The following BRINP1 variants were observed in gnomAD, a reference collection of about 807,000 sequenced individuals.
BRINP1 encodes the protein BMP/retinoic acid inducible neural specific 1.
A neutral mutation model predicts 72.9 loss-of-function variants in BRINP1; 17 were observed. The observed-to-expected ratio is 0.23, with a 90% CI of 0.16 to 0.35. The LOEUF (loss-of-function observed/expected upper bound fraction) is 0.35. Ranked by LOEUF, BRINP1 falls within the 10% of genes least tolerant of loss-of-function variation. The pLI is 1.00. For missense variants in BRINP1, 850 were observed against 1,001.6 expected (o/e 0.85, Z 2.04); for synonymous variants, 418 against 378.5 (o/e 1.10, Z -1.21).
chr9:119,221,708 A>C (rs1287875995), intron 5 of BRINP1, among the ~76,000 whole-genome samples: 1 of 152,178 alleles, frequency 6.6e-6, no homozygotes, highest in African/African-American at 2.4e-5. Context: ...AAATAAAATC[A>C]TCTGCTCTGC....
intron 2 of BRINP1, among the ~76,000 whole-genome samples, chr9:119,285,568 C>T (rs1231428134): frequency 6.6e-6 from 1 of 152,156 alleles, no homozygotes; most frequent in East Asian, 1.9e-4. Context: ...TCCAGAGCCC[C>T]TCAACATAAC....
Position 119,368,954 on chromosome 9 carries a change from G to A in BRINP1, c.-51+102C>T, listed in dbSNP as rs1383219895. 1.0e-5 allele frequency: 4 copies of A among 386,544 alleles called. No homozygotes were observed. Among genetic ancestry groups the A allele is most frequent in the Non-Finnish European group, 1.8e-5 (4 of 218,802 alleles). The allele number at this position is 386,544 out of a possible 1,614,324, so 23.9% of individuals were successfully genotyped here. On this transcript the variant is annotated intron_variant, in intron 1 of 7. Transcript: ENST00000265922. This position sits in a 1 kb window ranked among gnomAD's most constrained non-coding sequence, Gnocchi z 4.7. The stretch of plus-strand genomic sequence containing the variant: ...AGGTGAAGAGCGGACAAGGGTGCCG[G>A]TAGGGGGAGGGGCAGAGGAGCGCGG...
intron 1 of BRINP1, among the ~76,000 whole-genome samples, chr9:119,346,492 C>T (rs1831453695): frequency 6.6e-6 from 1 of 152,138 alleles, no homozygotes; most frequent in Non-Finnish European, 1.5e-5. Flanking sequence ...CAACAAGAAA[C>T]AGTCAGGGCA....
intron 1 of BRINP1, among the ~76,000 whole-genome samples, chr9:119,322,333 C>A (rs1587960402): frequency 1.3e-5 from 2 of 152,336 alleles, no homozygotes; most frequent in East Asian, 3.9e-4. Context: ...GAGCCGCCAA[C>A]ACTGGCTGTG....
chr9:119,239,791 A>T (rs1830229691), intron 4 of BRINP1, among the ~76,000 whole-genome samples: 1 of 152,206 alleles, frequency 6.6e-6, no homozygotes, highest in Non-Finnish European at 1.5e-5. Flanking sequence ...CATATTTAGT[A>T]AATGGGGAAT....
At chr9:119,183,112 T>C (rs1829575910) in intron 7 of BRINP1, among the ~76,000 whole-genome samples, 1 of 152,180 alleles carries the variant, frequency 6.6e-6, no homozygotes, top group Non-Finnish European at 1.5e-5. Flanking sequence ...TGGAAGTATG[T>C]ATTAAAATAG....
At chr9:119,227,367 TTTGA>T (rs1435947044) in intron 5 of BRINP1, among the ~76,000 whole-genome samples, 2 of 152,094 alleles carry the variant, frequency 1.3e-5, no homozygotes, top group African/African-American at 4.8e-5. Flanking sequence ...TGATTGAGTC[TTTGA>T]TTGATATCCT....
chr9:119,172,264 A>T (rs983244717), intron 7 of BRINP1, among the ~76,000 whole-genome samples: 4 of 152,136 alleles, frequency 2.6e-5, no homozygotes, highest in African/African-American at 9.7e-5. Flanking sequence ...AAAGAGAAGA[A>T]TCAAATAGAC....
chr9:119,283,621 C>T (rs1352267686), intron 2 of BRINP1, among the ~76,000 whole-genome samples: 1 of 152,168 alleles, frequency 6.6e-6, no homozygotes, highest in Non-Finnish European at 1.5e-5. Context: ...CTCCGCCTCC[C>T]GGGTTCAAGC....
chr9:119,369,301 TCTCTCGCTCTCG>T lies in BRINP1; in HGVS notation c.-308_-297del. 2.5e-6 allele frequency: 1 copy of T among 398,844 alleles called. No individual in the cohort carries two copies. Among genetic ancestry groups the T allele is most frequent in the Non-Finnish European group, 4.4e-6 (1 of 226,280 alleles). 24.7% of individuals were successfully genotyped at this position (398,844 alleles called of 1,614,324 possible). On this transcript the variant is annotated 5_prime_UTR_variant, in exon 1 of 8. Transcript: ENST00000265922. ...GTCACTACTCCCTCTGCCTCCCGGC[TCTCTCGCTCTCG>T]CTCTCGCTGTTGCTCGCTCGCTCTC...
chr9:119,282,974 T>C, intron 2 of BRINP1: 2 of 985,370 alleles, frequency 2.0e-6, no homozygotes, highest in Non-Finnish European at 2.4e-6. Context: ...CTGCCAAAGT[T>C]ATCGCCCTCA....
chr9:119,174,376 T>C, intron 7 of BRINP1, among the ~76,000 whole-genome samples: 1 of 150,240 alleles, frequency 6.7e-6, no homozygotes, highest in East Asian at 1.9e-4. Flanking sequence ...ATGCTCATCA[T>C]CACTGGCCAT....
intron 7 of BRINP1, among the ~76,000 whole-genome samples, chr9:119,169,909 C>G (rs1374395522): frequency 6.6e-6 from 1 of 152,126 alleles, no homozygotes; most frequent in Non-Finnish European, 1.5e-5. Flanking sequence ...AACAGACTTG[C>G]AGCTGAGGGT....
intron 2 of BRINP1, 56 bp downstream of exon 2, chr9:119,313,082 G>T: frequency 6.4e-7 from 1 of 1,562,994 alleles, no homozygotes; most frequent in South Asian, 1.2e-5. Context: ...ATCAACGCCT[G>T]ACTCCACAAA....
Position 119,349,809 on chromosome 9 carries a change from G to A in BRINP1, c.-51+19247C>T, listed in dbSNP as rs184331518. On this transcript the variant is annotated intron_variant, in intron 1 of 7. Transcript: ENST00000265922. ...TGCAGAGGGGAAAACACGTAGGCAG[G>A]AAAACCTGGATTCAGATCCGAGCTC... Among the ~76,000 whole-genome samples the A allele has an allele frequency of 4.4e-3, 669 of 152,254 alleles. 3 individuals are homozygous for A. The highest frequency in any genetic ancestry group is 6.7e-3 in the Non-Finnish European group (454 of 68,000).
chr9:119,226,319 T>C (rs1267111069), intron 5 of BRINP1, among the ~76,000 whole-genome samples: 9 of 152,030 alleles, frequency 5.9e-5, no homozygotes, highest in Non-Finnish European at 1.3e-4. Context: ...TTCTGCACAA[T>C]CAATGAGATC....
intron 2 of BRINP1, among the ~76,000 whole-genome samples, chr9:119,275,181 T>A (rs1296996973): frequency 6.6e-6 from 1 of 152,068 alleles, no homozygotes; most frequent in African/African-American, 2.4e-5. Flanking sequence ...AAAGAGAAAA[T>A]GTATCTATTT....
chr9:119,248,513 C>A (rs1013413803), intron 3 of BRINP1, among the ~76,000 whole-genome samples: 1 of 152,202 alleles, frequency 6.6e-6, no homozygotes, highest in Non-Finnish European at 1.5e-5. Flanking sequence ...TTCCCATTAA[C>A]CTACTCTAAG....
chr9:119,332,643 T>C (rs1831310926), intron 1 of BRINP1, among the ~76,000 whole-genome samples: 1 of 152,200 alleles, frequency 6.6e-6, no homozygotes, highest in Non-Finnish European at 1.5e-5. Flanking sequence ...ACATGCCTGA[T>C]ATTTCAGAGG....
Sources: gnomAD v4.1 joint callset for allele counts (sites outside exome capture counted in the v4.1 genomes callset) on GRCh38, gnomAD v4.1.1 for gene constraint, Gnocchi (gnomAD v3.1) non-coding constraint, MANE v1.5 for transcripts, NCBI Gene and HGNC (gene_info 2026-07-23, HGNC 2026-07-21) for gene names.